HCN1: variants seen among roughly 807,000 people sequenced by gnomAD.
The protein encoded by HCN1 is hyperpolarization activated cyclic nucleotide gated potassium channel 1.
In HCN1, 13 loss-of-function variants were observed where a neutral mutation model predicts 78.9. That is an observed-to-expected ratio of 0.16 (90% CI 0.11 to 0.26). The LOEUF (loss-of-function observed/expected upper bound fraction) is 0.26, where lower values mean the gene tolerates loss of function less well. Among genes scored for constraint, HCN1 ranks in the 10% least tolerant of loss-of-function variants. The pLI, the probability that HCN1 is intolerant of heterozygous loss-of-function variation, is 1.00. For missense variants in HCN1, 810 were observed against 1,154.3 expected (o/e 0.70, Z 4.32); for synonymous variants, 552 against 455.5 (o/e 1.21, Z -2.70).
chr5:45,262,866 G>C lies in HCN1; in HGVS notation c.1784-56C>G, dbSNP rs184428692. On this transcript the variant is annotated intron_variant, in intron 7 of 7. Transcript: ENST00000303230. ...AAGCCTACCAATGACTGATGACAACGCCAAGTGAGAGTGGCTCCTGCAAAC... is the reference window on the plus strand; with the variant it reads ...AAGCCTACCAATGACTGATGACAACCCCAAGTGAGAGTGGCTCCTGCAAAC... 31 of 1,588,748 alleles carry C rather than the reference G, an allele frequency of 2.0e-5. No individual in the cohort carries two copies. The African/African-American group carries it at 3.8e-4, about 19-fold the overall frequency.
At chr5:45,567,271 C>T (rs1408097315) in intron 2 of HCN1, among the ~76,000 whole-genome samples, 2 of 151,578 alleles carry the variant, frequency 1.3e-5, no homozygotes, top group Admixed American at 6.6e-5. Flanking sequence ...TGACACCTAC[C>T]GTGTGCCAGA....
Position 45,261,709 on chromosome 5 carries a change from T to C in HCN1, c.*212A>G, listed in dbSNP as rs909837347. On this transcript the variant is annotated 3_prime_UTR_variant, in exon 8 of 8. Transcript: ENST00000303230. Reference sequence around the variant, plus strand: ...AAGGAAGACATATAACACTGAATGCTAAACAGGTCTTTTGACCCTCTCTTG... The same window carrying C: ...AAGGAAGACATATAACACTGAATGCCAAACAGGTCTTTTGACCCTCTCTTG... 5.8e-5 allele frequency: 28 copies of C among 483,404 alleles called. No individual in the cohort carries two copies. Among genetic ancestry groups the C allele is most frequent in the Middle Eastern group, 5.7e-4 (1 of 1,760 alleles). 29.9% of individuals were successfully genotyped at this position (483,404 alleles called of 1,614,324 possible). A position where few individuals can be genotyped will look rare whatever the true frequency, so the allele number is the denominator to read the frequency against.
chr5:45,266,136 G>A (rs1042307898), intron 7 of HCN1, among the ~76,000 whole-genome samples: 2 of 152,162 alleles, frequency 1.3e-5, no homozygotes, highest in Non-Finnish European at 2.9e-5. Context: ...GCCAATCCAA[G>A]CTAACTTTAC....
intron 3 of HCN1, among the ~76,000 whole-genome samples, chr5:45,449,819 T>C (rs1035565581): frequency 6.6e-6 from 1 of 152,096 alleles, no homozygotes; most frequent in African/African-American, 2.4e-5. Context: ...AATATTGAAA[T>C]TGTAAGAACA....
intron 6 of HCN1, among the ~76,000 whole-genome samples, chr5:45,280,228 A>G (rs973395492): frequency 3.9e-5 from 6 of 152,186 alleles, no homozygotes; most frequent in Non-Finnish European, 5.9e-5. Context: ...ATTTTGCATC[A>G]TCATCACTAT....
At chr5:45,531,811 G>A (rs1245197448) in intron 2 of HCN1, among the ~76,000 whole-genome samples, 1 of 152,100 alleles carries the variant, frequency 6.6e-6, no homozygotes, top group East Asian at 1.9e-4. Flanking sequence ...AGGCCAAGGT[G>A]GGCGGATTGC....
intron 2 of HCN1, among the ~76,000 whole-genome samples, chr5:45,563,964 G>C (rs1743656606): frequency 6.6e-6 from 1 of 152,124 alleles, no homozygotes; most frequent in African/African-American, 2.4e-5. Context: ...CCATAGGTTA[G>C]AGCAACATTG....
chr5:45,372,065 TTATATATTATATATAATATA>T (rs1561127834), intron 4 of HCN1, among the ~76,000 whole-genome samples: 30 of 39,684 alleles, frequency 7.6e-4, no homozygotes, highest in African/African-American at 2.2e-3. Flanking sequence ...TATAATTATA[TTATATATTATATATAATATA>T]ATTATATATA....
At chr5:45,368,691 TTCATCAAAACC>T (rs1332260422) in intron 4 of HCN1, among the ~76,000 whole-genome samples, 14 of 144,666 alleles carry the variant, frequency 9.7e-5, no homozygotes, top group Non-Finnish European at 1.8e-4. Flanking sequence ...GCTGAAATCC[TTCATCAAAACC>T]TCATCTTACT....
intron 2 of HCN1, among the ~76,000 whole-genome samples, chr5:45,597,858 G>A (rs1323903438): frequency 6.6e-6 from 1 of 152,044 alleles, no homozygotes; most frequent in Non-Finnish European, 1.5e-5. Flanking sequence ...AACTTACAAG[G>A]GCTGTGAAGG....
chr5:45,424,224 T>C (rs1740292473), intron 3 of HCN1, among the ~76,000 whole-genome samples: 1 of 151,490 alleles, frequency 6.6e-6, no homozygotes, highest in Non-Finnish European at 1.5e-5. Flanking sequence ...ACCCGGGAGT[T>C]GGAGCTTGCC....
intron 3 of HCN1, among the ~76,000 whole-genome samples, chr5:45,436,647 A>G (rs961462419): frequency 6.6e-6 from 1 of 152,230 alleles, no homozygotes; most frequent in African/African-American, 2.4e-5. Context: ...GAATAATTAC[A>G]ATATTATAAA....
chr5:45,638,767 T>C (rs1342607772), intron 2 of HCN1, among the ~76,000 whole-genome samples: 1 of 151,978 alleles, frequency 6.6e-6, no homozygotes, highest in African/African-American at 2.4e-5. Flanking sequence ...GCCAGGCGTG[T>C]TGGGGGCACC....
At chr5:45,567,129 CAATT>C (rs1223318047) in intron 2 of HCN1, among the ~76,000 whole-genome samples, 2 of 151,334 alleles carry the variant, frequency 1.3e-5, no homozygotes, top group South Asian at 2.1e-4. Context: ...AGAAGTAAGA[CAATT>C]AAGATGAACT....
chr5:45,317,073 G>A (rs946113979), intron 5 of HCN1, among the ~76,000 whole-genome samples: 1 of 151,974 alleles, frequency 6.6e-6, no homozygotes, highest in Admixed American at 6.6e-5. Context: ...CTACTTTAAA[G>A]TTCATATGGG....
chr5:45,375,300 G>A (rs1747597031), intron 4 of HCN1, among the ~76,000 whole-genome samples: 7 of 99,172 alleles, frequency 7.1e-5, no homozygotes, highest in African/African-American at 1.6e-4. Flanking sequence ...TATATTTCAT[G>A]ATATACAATA....
chr5:45,587,000 G>A (rs188390855), intron 2 of HCN1, among the ~76,000 whole-genome samples: 32 of 152,222 alleles, frequency 2.1e-4, no homozygotes, highest in African/African-American at 7.2e-4. Flanking sequence ...ACATAACCAA[G>A]TTATTTTCAA....
In HCN1 at chr5:45,607,580, T is replaced by TATATATAC. The variant is rs1491481664; in HGVS notation, c.849+37604_849+37605insGTATATAT. ...ATAGACAAATAGATCACAATATCAT[T>TATATATAC]ATATATATATATATATCTATAGATA... On this transcript the variant is annotated intron_variant, in intron 2 of 7. Coordinates refer to ENST00000303230, the MANE Select transcript of HCN1 (RefSeq NM_021072.4). Among the ~76,000 whole-genome samples the TATATATAC allele has an allele frequency of 4.6e-5, 5 of 108,466 alleles. No homozygotes were observed. In the East Asian group the frequency reaches 1.2e-3, roughly 25 times the overall value. 71.2% of individuals were successfully genotyped at this position (108,466 alleles called of 152,430 possible). A position where few individuals can be genotyped will look rare whatever the true frequency, so the allele number is the denominator to read the frequency against.
chr5:45,628,947 T>C (rs1173638279), intron 2 of HCN1, among the ~76,000 whole-genome samples: 1 of 149,306 alleles, frequency 6.7e-6, no homozygotes, highest in African/African-American at 2.5e-5. Flanking sequence ...TACTCCAGCC[T>C]GGGCAACAAG....
Sources: allele counts gnomAD v4.1 joint callset (sites outside exome capture counted in the v4.1 genomes callset), GRCh38; gene constraint gnomAD v4.1.1; transcripts MANE v1.5; gene names NCBI Gene and HGNC (gene_info 2026-07-23, HGNC 2026-07-21).